FSTL4: variants seen among roughly 807,000 people sequenced by gnomAD.
FSTL4 encodes the protein follistatin like 4, also known as follistatin-related protein 4.
FSTL4 carries 28 observed loss-of-function variants against 78.2 expected under a neutral mutation model. The observed-to-expected ratio is 0.36, with a 90% CI of 0.27 to 0.49. FSTL4 has a LOEUF of 0.49. FSTL4 is among the 20% of genes least tolerant of loss of function. The pLI, the probability that FSTL4 is intolerant of heterozygous loss-of-function variation, is 0.98. For missense variants in FSTL4, 922 were observed against 1,084.9 expected (o/e 0.85, Z 2.11); for synonymous variants, 422 against 440.5 (o/e 0.96, Z 0.53).
At chr5:133,661,204 G>A in the FSTL4 span, among the ~76,000 whole-genome samples, 1 of 152,276 alleles carries the variant, frequency 6.6e-6, no homozygotes, top group South Asian at 2.1e-4. Context: ...TGGCCAGGCT[G>A]GTCTCGAACT....
chr5:133,719,168 C>A, the FSTL4 span, among the ~76,000 whole-genome samples: 40,364 of 152,008 alleles, frequency 0.27, 6,507 homozygotes, highest in African/African-American at 0.46. Context: ...CAATCTGACA[C>A]TGCTAAGAGT....
chr5:133,774,674 G>A, the FSTL4 span, among the ~76,000 whole-genome samples: 757 of 152,184 alleles, frequency 5.0e-3, 6 homozygotes, highest in African/African-American at 7.0e-3. Flanking sequence ...TCACATGGCC[G>A]GGATGGCAGT....
intron 6 of FSTL4, among the ~76,000 whole-genome samples, chr5:133,255,752 A>T (rs574844257): frequency 6.6e-6 from 1 of 152,238 alleles, no homozygotes; most frequent in Non-Finnish European, 1.5e-5. Context: ...AGGCAGTCAC[A>T]GGGAATTAAT....
intron 4 of FSTL4, among the ~76,000 whole-genome samples, chr5:133,376,559 C>T (rs1418919941): frequency 6.6e-6 from 1 of 152,144 alleles, no homozygotes; most frequent in Non-Finnish European, 1.5e-5. Context: ...AACACACACA[C>T]TCCAAACCCA....
intron 4 of FSTL4, among the ~76,000 whole-genome samples, chr5:133,373,484 G>A (rs73265691): frequency 0.012 from 1,790 of 152,352 alleles, 37 homozygotes; most frequent in African/African-American, 0.04. Context: ...ATATGTAGAA[G>A]CAGAGATCCA....
the FSTL4 span, among the ~76,000 whole-genome samples, chr5:133,747,524 T>G: frequency 2.0e-5 from 3 of 152,094 alleles, no homozygotes; most frequent in African/African-American, 7.2e-5. Flanking sequence ...CACAAAAAAT[T>G]GGCTCAGCCT....
At chr5:133,514,051 C>T (rs1463907480) in intron 3 of FSTL4, among the ~76,000 whole-genome samples, 1 of 151,720 alleles carries the variant, frequency 6.6e-6, no homozygotes, top group East Asian at 1.9e-4. Context: ...TAGTGGTGGG[C>T]GCCTGTAGTC....
intron 3 of FSTL4, among the ~76,000 whole-genome samples, chr5:133,484,295 C>T (rs1438202423): frequency 6.6e-6 from 1 of 152,230 alleles, no homozygotes; most frequent in African/African-American, 2.4e-5. Context: ...CATTGAAAGG[C>T]TTCTCACACA....
intron 6 of FSTL4, among the ~76,000 whole-genome samples, chr5:133,271,529 C>T (rs1752764325): frequency 6.6e-6 from 1 of 152,144 alleles, no homozygotes; most frequent in Non-Finnish European, 1.5e-5. Context: ...CTTTCCTGCC[C>T]CCCACCGCCC....
rs147362918 is a variant in FSTL4, at chr5:133,480,282, C to T, written c.161-79296G>A. Among the ~76,000 whole-genome samples, 442 of 152,366 alleles carry T rather than the reference C, an allele frequency of 2.9e-3. 1 individual carries two copies. The highest frequency in any genetic ancestry group is 0.01 in the African/African-American group (420 of 41,582). ...GCCTCCGTTTCCTCATCTGCAAAAT[C>T]GGGACCATAATATTAACCTTTCACC... is the stretch of plus-strand genomic sequence containing the variant. On this transcript the variant is annotated intron_variant, in intron 3 of 15. Transcript: ENST00000265342.
chr5:133,484,807 T>TG (rs771756233), intron 3 of FSTL4, among the ~76,000 whole-genome samples: 2 of 152,380 alleles, frequency 1.3e-5, no homozygotes, highest in East Asian at 1.9e-4. Flanking sequence ...ATTCCCCTTC[T>TG]GTAAAATGGG....
At chr5:133,573,950 A>C (rs955588054) in intron 2 of FSTL4, among the ~76,000 whole-genome samples, 3 of 152,248 alleles carry the variant, frequency 2.0e-5, no homozygotes, top group Non-Finnish European at 4.4e-5. Context: ...AGTCTCTATA[A>C]GATATCAAGA....
At chr5:133,740,902 T>C in the FSTL4 span, among the ~76,000 whole-genome samples, 1 of 152,118 alleles carries the variant, frequency 6.6e-6, no homozygotes, top group East Asian at 1.9e-4. Context: ...ATCCTAATCT[T>C]TCCTTTTATG....
the FSTL4 span, among the ~76,000 whole-genome samples, chr5:133,728,839 A>T: frequency 2.6e-5 from 4 of 152,064 alleles, no homozygotes; most frequent in African/African-American, 9.7e-5. Context: ...GGGTGGGGGA[A>T]AAAGAAAAGA....
chr5:133,449,781 T>A (rs368483774), intron 3 of FSTL4, among the ~76,000 whole-genome samples: 35 of 152,190 alleles, frequency 2.3e-4, no homozygotes, highest in Non-Finnish European at 1.9e-4. Flanking sequence ...CACTGTGCAA[T>A]TCATTTTCCC....
At chr5:133,798,641 T>C in the FSTL4 span, among the ~76,000 whole-genome samples, 2 of 152,142 alleles carry the variant, frequency 1.3e-5, no homozygotes, top group Non-Finnish European at 2.9e-5. Flanking sequence ...CACAGGGCTC[T>C]GACCTAGACA....
chr5:133,796,629 TTCC>T, the FSTL4 span, among the ~76,000 whole-genome samples: 2 of 151,970 alleles, frequency 1.3e-5, no homozygotes, highest in Admixed American at 6.5e-5. Context: ...CGTTCAGACA[TTCC>T]TCCTCTTCTT....
At chr5:133,711,051 T>C in the FSTL4 span, among the ~76,000 whole-genome samples, 1 of 152,206 alleles carries the variant, frequency 6.6e-6, no homozygotes, top group African/African-American at 2.4e-5. Context: ...CTCCAGATTC[T>C]GGTTGGATGT....
Position 133,372,428 on chromosome 5 carries a change from T to A in FSTL4, c.409+28310A>T, listed in dbSNP as rs1755332670. On this transcript the variant is annotated intron_variant, in intron 4 of 15. Coordinates refer to ENST00000265342, the MANE Select transcript of FSTL4 (RefSeq NM_015082.2). ...AGAGAACACATAACTGAGCTCAGTG[T>A]TTACCTTGGTATTAGGACTGGGTCA... is the stretch of plus-strand genomic sequence containing the variant. 2.0e-5 allele frequency among the ~76,000 whole-genome samples: 3 copies of A among 152,122 alleles called. No individual in the cohort carries two copies. In the South Asian group the frequency reaches 6.2e-4, roughly 32 times the overall value.
Sources: allele counts gnomAD v4.1 joint callset (sites outside exome capture counted in the v4.1 genomes callset), GRCh38; gene constraint gnomAD v4.1.1; transcripts MANE v1.5; gene names NCBI Gene and HGNC (gene_info 2026-07-23, HGNC 2026-07-21).